The following ADGRA3 variants were observed in gnomAD, a reference collection of about 807,000 sequenced individuals.
The protein encoded by ADGRA3 is adhesion G protein-coupled receptor A3.
Under a neutral mutation model 119.8 loss-of-function variants are expected in ADGRA3, and 56 were observed. The observed-to-expected ratio is 0.47, with a 90% CI of 0.38 to 0.58. The LOEUF is 0.58. Among genes scored for constraint, ADGRA3 ranks in the 20% least tolerant of loss-of-function variants. The pLI is 0.00. For missense variants in ADGRA3, 1,516 were observed against 1,649.0 expected, an observed-to-expected ratio of 0.92 and a Z score of 1.40; for synonymous variants, 607 against 623.8, an observed-to-expected ratio of 0.97 and a Z score of 0.40.
rs75374735 is a variant in ADGRA3 at position 22,475,341 on chromosome 4, A to T, written c.258-1498T>A. On this transcript the variant is annotated intron_variant, in intron 1 of 18. Coordinates refer to ENST00000334304, the MANE Select transcript of ADGRA3 (RefSeq NM_145290.4). Reference sequence around the variant, plus strand: ...TAAGACACAGATCCTCCCTCATTTCAATGTTTTCTGACGTGTCAACTCAAG... The same window carrying T: ...TAAGACACAGATCCTCCCTCATTTCTATGTTTTCTGACGTGTCAACTCAAG... Among the ~76,000 whole-genome samples, 1,403 of 152,292 alleles carry T rather than the reference A, an allele frequency of 9.2e-3. 40 individuals carry two copies. The highest frequency in any genetic ancestry group is 0.052 in the East Asian group (269 of 5,166).
chr4:22,488,132 G>A (rs1718499271), intron 1 of ADGRA3, among the ~76,000 whole-genome samples: 1 of 152,156 alleles, frequency 6.6e-6, no homozygotes, highest in Non-Finnish European at 1.5e-5. Context: ...ACTGTAGCCT[G>A]TAAACTGCTT....
In ADGRA3 at chr4:22,388,477, C is replaced by T. The variant is rs144467569; in HGVS notation, c.3194G>A (p.Arg1065Gln). 1.5e-5 allele frequency: 25 copies of T among 1,613,922 alleles called. No individual in the cohort carries two copies. Among genetic ancestry groups the T allele is most frequent in the Admixed American group, 5.0e-5 (3 of 59,994 alleles). ...GTTGACTTGCACTGAATACGAGCTC[C>T]GTCCTGGGCAGCAAGTCATGATCCA... is the stretch of plus-strand genomic sequence containing the variant. ...LAWIMTCCPG[R>Q]SSYSVQVNVQ... The change falls in exon 19 of 19, where the codon CGG becomes CAG. Residue 1065 changes from arginine to glutamine, a missense_variant. Transcript: ENST00000334304.
rs1714565078 is a variant in ADGRA3 at position 22,400,397 on chromosome 4, G to T, written c.2481+1034C>A. On this transcript the variant is annotated intron_variant, in intron 16 of 18. Coordinates refer to ENST00000334304, the MANE Select transcript of ADGRA3 (RefSeq NM_145290.4). ...GAGGAAAATCATATTCACCAACATAGATGAACGTTGAAACATTATGCTAAA... is the reference window on the plus strand; with the variant it reads ...GAGGAAAATCATATTCACCAACATATATGAACGTTGAAACATTATGCTAAA... Among the ~76,000 whole-genome samples, 3 of 152,124 alleles carry T rather than the reference G, an allele frequency of 2.0e-5. No homozygotes were observed. In the South Asian group the frequency reaches 6.2e-4, roughly 31 times the overall value.
chr4:22,469,157 TCCTC>T (rs1286996109), intron 2 of ADGRA3, among the ~76,000 whole-genome samples: 1 of 152,134 alleles, frequency 6.6e-6, no homozygotes, highest in African/African-American at 2.4e-5. Flanking sequence ...TTCTGTGCTT[TCCTC>T]CTGGAGGAGG....
In ADGRA3 at chr4:22,388,683, G is replaced by A. The variant is rs759401316; in HGVS notation, c.2988C>T (p.Leu996=). The A allele has an allele frequency of 1.1e-5, 18 of 1,613,918 alleles. No homozygotes were observed. The highest frequency in any genetic ancestry group is 2.2e-5 in the East Asian group (1 of 44,866). The change falls in exon 19 of 19, where the codon CTC becomes CTT. Residue 996 remains leucine, a synonymous_variant. Coordinates refer to ENST00000334304, the MANE Select transcript of ADGRA3 (RefSeq NM_145290.4). Reference sequence around the variant, plus strand: ...AGAGCAAAGTAAGGCTGGCCCCCAAGAGCTGAGAATGAAAAGTGTGCTCAT... The same window carrying A: ...AGAGCAAAGTAAGGCTGGCCCCCAAAAGCTGAGAATGAAAAGTGTGCTCAT... ...LENEHTFHSQ[L]LGASLTLLLY...
chr4:22,497,692 G>C (rs938027157), intron 1 of ADGRA3, among the ~76,000 whole-genome samples: 1 of 150,574 alleles, frequency 6.6e-6, no homozygotes, highest in Non-Finnish European at 1.5e-5. Context: ...GCATGGTGGC[G>C]GGCGCCTATA....
At chr4:22,398,727 A>G (rs1250780960) in intron 16 of ADGRA3, among the ~76,000 whole-genome samples, 1 of 152,126 alleles carries the variant, frequency 6.6e-6, no homozygotes, top group Non-Finnish European at 1.5e-5. Flanking sequence ...CTGCATTGCT[A>G]TAATTCATTG....
chr4:22,435,229 G>A, intron 10 of ADGRA3, 82 bp downstream of exon 10: 1 of 1,120,794 alleles, frequency 8.9e-7, no homozygotes, highest in Non-Finnish European at 1.3e-6. Context: ...AACATAAACA[G>A]GCCTTAAAAT....
chr4:22,445,129 A>G lies in ADGRA3; in HGVS notation c.550T>C (p.Phe184Leu). 6.2e-7 allele frequency: 1 copy of G among 1,613,614 alleles called. No homozygotes were observed. Among genetic ancestry groups the G allele is most frequent in the Non-Finnish European group, 8.5e-7 (1 of 1,179,594 alleles). The part of the protein sequence containing the change: ...DYLASLRSLE[F>L]QTEYLLCDCN... ...TCACACAAAAGATACTCAGTCTGGA[A>G]TTCCCTGTAACATGCAAATACAACT... is the stretch of plus-strand genomic sequence containing the variant. Residue 184 changes from phenylalanine (F) to leucine (L), a missense_variant, in exon 6 of 19, where the codon TTC becomes CTC. Transcript: ENST00000334304.
chr4:22,400,734 A>T (rs533249357), intron 16 of ADGRA3, among the ~76,000 whole-genome samples: 1 of 152,346 alleles, frequency 6.6e-6, no homozygotes, highest in South Asian at 2.1e-4. Context: ...AAGAAAAAAA[A>T]AAGGTTAAAC....
At chr4:22,428,328 T>C (rs1373080150) in intron 10 of ADGRA3, among the ~76,000 whole-genome samples, 1 of 140,982 alleles carries the variant, frequency 7.1e-6, no homozygotes, top group Non-Finnish European at 1.5e-5. Flanking sequence ...GCTCAGAACA[T>C]CTCAGTCCAT....
chr4:22,505,707 G>A (rs1430949883), intron 1 of ADGRA3, among the ~76,000 whole-genome samples: 1 of 151,604 alleles, frequency 6.6e-6, no homozygotes, highest in Non-Finnish European at 1.5e-5. Flanking sequence ...TTTTAGCAGA[G>A]TATAACAATA....
intron 11 of ADGRA3, among the ~76,000 whole-genome samples, chr4:22,422,354 T>C (rs1026730223): frequency 1.3e-5 from 2 of 152,208 alleles, no homozygotes; most frequent in African/African-American, 2.4e-5. Context: ...TGGCAAGTCT[T>C]ATGCATGTGA....
intron 1 of ADGRA3, among the ~76,000 whole-genome samples, chr4:22,497,299 T>A (rs1388609480): frequency 2.0e-5 from 3 of 152,096 alleles, no homozygotes; most frequent in East Asian, 1.9e-4. Context: ...TAACTTTTTT[T>A]AAAAAGTGTG....
At chr4:22,456,620 TTTGA>T (rs1021449690) in intron 3 of ADGRA3, among the ~76,000 whole-genome samples, 21 of 152,142 alleles carry the variant, frequency 1.4e-4, no homozygotes, top group African/African-American at 4.8e-4. Flanking sequence ...GCTTCCAGAC[TTTGA>T]TTGAGCTATG....
intron 10 of ADGRA3, among the ~76,000 whole-genome samples, chr4:22,433,831 C>T (rs1293662154): frequency 2.6e-5 from 4 of 152,120 alleles, no homozygotes; most frequent in African/African-American, 2.4e-5. Flanking sequence ...AGAACCCAAA[C>T]GGCCTCTCCC....
intron 5 of ADGRA3, among the ~76,000 whole-genome samples, chr4:22,446,593 C>G (rs1252082718): frequency 1.3e-5 from 2 of 151,948 alleles, no homozygotes; most frequent in East Asian, 3.9e-4. Flanking sequence ...CTGGTTGGGG[C>G]TCCTAATAGC....
Position 22,413,682 on chromosome 4 carries a change from GA to G in ADGRA3, c.1941del (p.Pro648GlnfsTer22). ...QLIAFRNGKL[F>X]PATGNSTNLA... ...AAATTTGTTGAATTTCCAGTGGCTG[GA>G]AAAAGCTTTCCATTGCGGAATGCAA... On this transcript the variant is annotated frameshift_variant, in exon 13 of 19. Transcript: ENST00000334304. LOFTEE classifies it high-confidence loss of function. The G allele has an allele frequency of 1.2e-6, 2 of 1,613,992 alleles. No homozygotes were observed. The highest frequency in any genetic ancestry group is 1.7e-6 in the Non-Finnish European group (2 of 1,179,944).
At chr4:22,461,165 C>T (rs949955162) in intron 3 of ADGRA3, among the ~76,000 whole-genome samples, 1 of 152,170 alleles carries the variant, frequency 6.6e-6, no homozygotes, top group Admixed American at 6.5e-5. Context: ...ATTTGAAAAT[C>T]GTCTACAGAT....
Sources: allele counts gnomAD v4.1 joint callset (sites outside exome capture counted in the v4.1 genomes callset), GRCh38; gene constraint gnomAD v4.1.1; transcripts MANE v1.5; gene names NCBI Gene and HGNC (gene_info 2026-07-23, HGNC 2026-07-21).